The following NFIB variants were observed in gnomAD, a reference collection of about 807,000 sequenced individuals.
NFIB encodes the protein nuclear factor 1 B-type.
NFIB carries 11 observed loss-of-function variants against 61.5 expected under a neutral mutation model. The ratio of observed to expected loss-of-function variants is 0.18; its 90% CI spans 0.11 to 0.30. The LOEUF (loss-of-function observed/expected upper bound fraction) is 0.30. NFIB is among the 10% of genes least tolerant of loss of function. NFIB has a pLI of 1.00. For missense variants in NFIB, 471 were observed against 608.9 expected (o/e 0.77, Z 2.38); for synonymous variants, 260 against 216.5 (o/e 1.20, Z -1.76).
intron 6 of NFIB, among the ~76,000 whole-genome samples, chr9:14,144,054 T>G (rs1041976660): frequency 7.7e-5 from 11 of 142,830 alleles, no homozygotes; most frequent in African/African-American, 2.8e-4. Flanking sequence ...CATTTGAGAA[T>G]GGAATATTCT....
intron 10 of NFIB, among the ~76,000 whole-genome samples, chr9:14,109,738 A>G (rs1399261472): frequency 6.6e-6 from 1 of 152,134 alleles, no homozygotes; most frequent in Non-Finnish European, 1.5e-5. Flanking sequence ...GACTATTGTG[A>G]CTGATTAGAG....
intron 1 of NFIB, among the ~76,000 whole-genome samples, chr9:14,337,087 T>C (rs1394580858): frequency 1.3e-5 from 2 of 152,242 alleles, no homozygotes; most frequent in African/African-American, 4.8e-5. Flanking sequence ...TTCGTAGCTC[T>C]CAACCCATAT....
chr9:14,437,495 T>C, the NFIB span, among the ~76,000 whole-genome samples: 1 of 152,212 alleles, frequency 6.6e-6, no homozygotes, highest in Non-Finnish European at 1.5e-5. Context: ...GATTGTTGAC[T>C]TCCCCTTCCA....
At chr9:14,299,245 T>A (rs1254990872) in intron 2 of NFIB, among the ~76,000 whole-genome samples, 1 of 152,190 alleles carries the variant, frequency 6.6e-6, no homozygotes, top group Non-Finnish European at 1.5e-5. Flanking sequence ...AATACATTTA[T>A]CCATGTATTT....
At chr9:14,512,411 T>A in the NFIB span, among the ~76,000 whole-genome samples, 1 of 152,304 alleles carries the variant, frequency 6.6e-6, no homozygotes, top group African/African-American at 2.4e-5. Context: ...AAGTAATGAT[T>A]TTTGCCTGTT....
intron 1 of NFIB, among the ~76,000 whole-genome samples, chr9:14,356,909 C>A (rs576008787): frequency 6.6e-6 from 1 of 152,250 alleles, no homozygotes; most frequent in South Asian, 2.1e-4. Context: ...AGGATATACA[C>A]TGATTTATAG....
chr9:14,473,371 T>G, the NFIB span, among the ~76,000 whole-genome samples: 13 of 152,186 alleles, frequency 8.5e-5, no homozygotes, highest in South Asian at 2.7e-3. Context: ...ATCTTCTTAT[T>G]GAATTATTTT....
At chr9:14,483,873 G>A in the NFIB span, among the ~76,000 whole-genome samples, 3 of 152,082 alleles carry the variant, frequency 2.0e-5, no homozygotes, top group Non-Finnish European at 2.9e-5. Flanking sequence ...GTTTCTTCAC[G>A]GAACACTTGC....
intron 2 of NFIB, chr9:14,205,003 C>A (rs998650653): frequency 1.5e-5 from 4 of 269,042 alleles, no homozygotes; most frequent in South Asian, 5.8e-5. Context: ...TTGCCAAGCT[C>A]AAAAGGCAAA....
intron 6 of NFIB, among the ~76,000 whole-genome samples, chr9:14,134,152 G>A (rs35381921): frequency 0.13 from 20,499 of 152,168 alleles, 1,639 homozygotes; most frequent in Non-Finnish European, 0.18. Context: ...ATAAATTTCT[G>A]TCAGAGGACA....
At chr9:14,459,097 C>A in the NFIB span, among the ~76,000 whole-genome samples, 1 of 151,856 alleles carries the variant, frequency 6.6e-6, no homozygotes, top group Non-Finnish European at 1.5e-5. Context: ...GGAGGCATCA[C>A]GCTACCTGAC....
the NFIB span, among the ~76,000 whole-genome samples, chr9:14,436,840 A>G: frequency 8.5e-5 from 13 of 152,352 alleles, no homozygotes; most frequent in Non-Finnish European, 1.5e-4. Flanking sequence ...TGGAGAAGAA[A>G]ACAGAAATGG....
chr9:14,382,113 C>A (rs2061494935), intron 1 of NFIB, among the ~76,000 whole-genome samples: 1 of 152,130 alleles, frequency 6.6e-6, no homozygotes. Flanking sequence ...TGAGGGCAGA[C>A]AAAAAGGCAA....
At chr9:14,460,093 C>T in the NFIB span, among the ~76,000 whole-genome samples, 1 of 152,072 alleles carries the variant, frequency 6.6e-6, no homozygotes, top group South Asian at 2.1e-4. Flanking sequence ...GCACTATTCA[C>T]AATAGCAAAA....
At chr9:14,530,077 T>A in the NFIB span, among the ~76,000 whole-genome samples, 2 of 152,144 alleles carry the variant, frequency 1.3e-5, no homozygotes, top group Admixed American at 1.3e-4. Flanking sequence ...AGAGTAAACC[T>A]TTTTACTTTT....
chr9:14,314,021 G>T lies in NFIB; in HGVS notation c.-510C>A, dbSNP rs2060419599. 9.4e-7 allele frequency: 1 copy of T among 1,069,448 alleles called. No homozygotes were observed. The highest frequency in any genetic ancestry group is 1.1e-6 in the Non-Finnish European group (1 of 882,954). 66.2% of individuals were successfully genotyped at this position (1,069,448 alleles called of 1,614,324 possible). A position where few individuals can be genotyped will look rare whatever the true frequency, so the allele number is the denominator to read the frequency against. Reference sequence around the variant, plus strand: ...GAGAGCGGGGAGAATGTGTCACCGCGCTGGGAAAGTTCAAGGTTACAGCCC... The same window carrying T: ...GAGAGCGGGGAGAATGTGTCACCGCTCTGGGAAAGTTCAAGGTTACAGCCC... On this transcript the variant is annotated 5_prime_UTR_variant, in exon 1 of 11. Transcript: ENST00000380953.
At chr9:14,366,195 G>A (rs751807382) in intron 1 of NFIB, among the ~76,000 whole-genome samples, 10 of 152,128 alleles carry the variant, frequency 6.6e-5, no homozygotes, top group African/African-American at 9.7e-5. Context: ...TCTGGGCATC[G>A]TCCCAGAATT....
intron 2 of NFIB, among the ~76,000 whole-genome samples, chr9:14,192,975 CT>C (rs1242197593): frequency 6.6e-6 from 1 of 151,830 alleles, no homozygotes; most frequent in African/African-American, 2.4e-5. Flanking sequence ...AATATAATAA[CT>C]TTTTTAAAAA....
At chr9:14,279,749 T>C (rs1392742068) in intron 2 of NFIB, among the ~76,000 whole-genome samples, 1 of 152,180 alleles carries the variant, frequency 6.6e-6, no homozygotes, top group Non-Finnish European at 1.5e-5. Flanking sequence ...TATGAACTGG[T>C]TGAAGAGGCC....
Sources: gnomAD v4.1 joint callset for allele counts (sites outside exome capture counted in the v4.1 genomes callset) on GRCh38, gnomAD v4.1.1 for gene constraint, MANE v1.5 for transcripts, NCBI Gene and HGNC (gene_info 2026-07-23, HGNC 2026-07-21) for gene names.